Variants in SULT6B1 observed in about 807,000 individuals in gnomAD.
SULT6B1 encodes the protein sulfotransferase 6B1.
A neutral mutation model predicts 37.2 loss-of-function variants in SULT6B1; 44 were observed. The ratio of observed to expected loss-of-function variants is 1.18; its 90% CI spans 0.93 to 1.52. The LOEUF is 1.52. SULT6B1 is among the 40% of genes most tolerant of loss of function. The pLI, the probability that SULT6B1 is intolerant of heterozygous loss-of-function variation, is 0.00. For missense variants in SULT6B1, 450 were observed against 361.0 expected, an observed-to-expected ratio of 1.25 and a Z score of -2.00; for synonymous variants, 140 against 126.0, an observed-to-expected ratio of 1.11 and a Z score of -0.74.
chr2:37,186,619 C>T (rs1030214601), intron 2 of SULT6B1, among the ~76,000 whole-genome samples: 33 of 152,162 alleles, frequency 2.2e-4, no homozygotes, highest in African/African-American at 7.5e-4. Context: ...TGGCTGGGTG[C>T]GGTGGCTCAT....
intron 4 of SULT6B1, among the ~76,000 whole-genome samples, chr2:37,176,205 A>G (rs1676423857): frequency 6.6e-6 from 1 of 151,140 alleles, no homozygotes; most frequent in Non-Finnish European, 1.5e-5. Context: ...GTTTAAATGA[A>G]TTAACACACG....
At chr2:37,179,265 C>G (rs779026765) in intron 4 of SULT6B1, among the ~76,000 whole-genome samples, 193 bp downstream of exon 4, 1 of 152,160 alleles carries the variant, frequency 6.6e-6, no homozygotes, top group Non-Finnish European at 1.5e-5. Context: ...GCCCCAAATT[C>G]GTTTTTAAAA....
Position 37,188,465 on chromosome 2 carries a change from A to C in SULT6B1, c.176T>G (p.Val59Gly), listed in dbSNP as rs762985240. ...ACCGCACTTTGGATAAGATGCTAGC[A>C]CGATGTCATCATGTCTGGCTTCGAA... ...DTFEARHDDI[V>G]LASYPKCGSN... The change falls in exon 1 of 7, where the codon GTG (valine) becomes GGG (glycine). Residue 59 changes from valine to glycine, a missense_variant. Val to Gly is a moderately radical substitution (Grantham distance 109). Transcript: ENST00000535679. The C allele has an allele frequency of 1.1e-5, 17 of 1,613,840 alleles. No individual in the cohort carries two copies. The highest frequency in any genetic ancestry group is 1.4e-5 in the Non-Finnish European group (16 of 1,179,940).
chr2:37,178,854 G>T (rs551436192), intron 4 of SULT6B1, among the ~76,000 whole-genome samples: 1 of 152,190 alleles, frequency 6.6e-6, no homozygotes, highest in African/African-American at 2.4e-5. Context: ...CACTAGAAAT[G>T]GTTTTCTACA....
intron 6 of SULT6B1, 55 bp from the exon 7 acceptor site, chr2:37,168,120 A>T: frequency 6.7e-7 from 1 of 1,482,260 alleles, no homozygotes; most frequent in Non-Finnish European, 9.0e-7. Flanking sequence ...TTTCTTCATG[A>T]TTTTACCATT....
chr2:37,186,441 T>C (rs1676675478), intron 2 of SULT6B1, among the ~76,000 whole-genome samples: 1 of 152,122 alleles, frequency 6.6e-6, no homozygotes, highest in African/African-American at 2.4e-5. Flanking sequence ...CTATCTCACA[T>C]CCAAGACCCA....
rs1676721587 is a variant in SULT6B1 at position 37,188,557 on chromosome 2, G to A, written c.84C>T (p.Phe28=). The A allele has an allele frequency of 6.2e-7, 1 of 1,608,252 alleles. No individual in the cohort carries two copies. ...SKETALSHLF[F]TYQGIPYPIT... is the part of the protein sequence containing the mutation. Reference sequence around the variant, plus strand: ...TGGGGTAAGGAATCCCCTGATAGGTGAAAAATAAATGAGAGAGTGCAGTTT... The same window carrying A: ...TGGGGTAAGGAATCCCCTGATAGGTAAAAAATAAATGAGAGAGTGCAGTTT... The change falls in exon 1 of 7, where the codon TTC becomes TTT. Residue 28 remains phenylalanine, a synonymous_variant. Transcript: ENST00000535679.
intron 6 of SULT6B1, 75 bp downstream of exon 6, chr2:37,171,359 A>G: frequency 6.6e-7 from 1 of 1,514,980 alleles, no homozygotes; most frequent in Non-Finnish European, 8.9e-7. Context: ...CTTAAGATGA[A>G]GTTATTTGGA....
At chr2:37,170,226 G>T (rs537030818) in intron 6 of SULT6B1, among the ~76,000 whole-genome samples, 1 of 150,838 alleles carries the variant, frequency 6.6e-6, no homozygotes, top group Non-Finnish European at 1.5e-5. Flanking sequence ...AGCACATTGG[G>T]AGGCCGAGAA....
chr2:37,181,469 C>T (rs1456141006), intron 3 of SULT6B1, among the ~76,000 whole-genome samples: 1 of 152,160 alleles, frequency 6.6e-6, no homozygotes, highest in Non-Finnish European at 1.5e-5. Flanking sequence ...CAACCTCTGC[C>T]TCCTGGGCTC....
At chr2:37,189,909 A>G (rs7583355), upstream of SULT6B1, 114,083 of 152,092 alleles carry the variant, frequency 0.75, 43,054 homozygotes, top group East Asian at 0.98. Flanking sequence ...GTGTTGGCAA[A>G]CCAGATTTGC....
At chr2:37,176,757 T>C (rs758682623) in intron 4 of SULT6B1, among the ~76,000 whole-genome samples, 1 of 152,148 alleles carries the variant, frequency 6.6e-6, no homozygotes, top group African/African-American at 2.4e-5. Flanking sequence ...AAGCTGATCA[T>C]GACAATTCTG....
intron 6 of SULT6B1, among the ~76,000 whole-genome samples, chr2:37,169,694 C>T (rs1008319455): frequency 3.9e-5 from 6 of 152,118 alleles, no homozygotes; most frequent in Admixed American, 6.6e-5. Context: ...AGGGTTTCAC[C>T]ATCTTCGCCA....
intron 6 of SULT6B1, among the ~76,000 whole-genome samples, chr2:37,169,156 T>C (rs562313071): frequency 6.6e-6 from 1 of 152,358 alleles, no homozygotes. Context: ...TACCTTAGAA[T>C]TGTCCTATTC....
intron 3 of SULT6B1, among the ~76,000 whole-genome samples, chr2:37,182,143 G>A (rs1412129831): frequency 6.6e-6 from 1 of 151,974 alleles, no homozygotes; most frequent in African/African-American, 2.4e-5. Flanking sequence ...TTCCCCTCCT[G>A]CCTCTTACCA....
rs111577401 is a variant in SULT6B1 at position 37,184,183 on chromosome 2, A to C, written c.313-669T>G. ...TTAATTTGATTCTCTTCTGTATTCA[A>C]GGTCTTTAACAGAAATAGTCAAGTC... On this transcript the variant is annotated intron_variant, in intron 2 of 6. Coordinates refer to ENST00000535679, the MANE Select transcript of SULT6B1 (RefSeq NM_001367551.1). Among the ~76,000 whole-genome samples, 797 of 152,336 alleles carry C rather than the reference A, an allele frequency of 5.2e-3. 4 individuals carry two copies. The highest frequency in any genetic ancestry group is 9.2e-3 in the Non-Finnish European group (623 of 68,042).
chr2:37,189,640 C>A (rs929910698), upstream of SULT6B1, among the ~76,000 whole-genome samples: 14 of 152,154 alleles, frequency 9.2e-5, no homozygotes, highest in Non-Finnish European at 1.6e-4. Flanking sequence ...GGCTTTCTTC[C>A]CTTTTCTAGT....
At chr2:37,193,553 A>G (rs1215283763), upstream of SULT6B1, among the ~76,000 whole-genome samples, 1 of 149,094 alleles carries the variant, frequency 6.7e-6, no homozygotes, top group African/African-American at 2.5e-5. Context: ...TTTCCAGTCT[A>G]TAGACATTTA....
chr2:37,180,713 G>C (rs1676531590), intron 3 of SULT6B1, among the ~76,000 whole-genome samples: 1 of 152,096 alleles, frequency 6.6e-6, no homozygotes, highest in Non-Finnish European at 1.5e-5. Flanking sequence ...GGGAAACCCT[G>C]GTGCTACTAA....
Sources: gnomAD v4.1 joint callset for allele counts (sites outside exome capture counted in the v4.1 genomes callset) on GRCh38, gnomAD v4.1.1 for gene constraint, MANE v1.5 for transcripts, NCBI Gene and HGNC (gene_info 2026-07-23, HGNC 2026-07-21) for gene names.